Variants in MSTO1 observed in about 807,000 individuals in gnomAD.
MSTO1 encodes the protein misato mitochondrial distribution and morphology regulator 1.
Under a neutral mutation model 55.7 loss-of-function variants are expected in MSTO1, and 24 were observed. The observed-to-expected ratio is 0.43, with a 90% CI of 0.31 to 0.61. The LOEUF is 0.61. Among genes scored for constraint, MSTO1 ranks in the 20% least tolerant of loss-of-function variants. The probability of loss-of-function intolerance (pLI) is 0.09; values close to 1 mark genes in which losing one functional copy is unlikely to be tolerated. For missense variants in MSTO1, 363 were observed against 625.7 expected (o/e 0.58, Z 4.48); for synonymous variants, 162 against 252.8 (o/e 0.64, Z 3.41).
At chr1:155,568,165 C>T in the MSTO1 span, among the ~76,000 whole-genome samples, 33 of 150,928 alleles carry the variant, frequency 2.2e-4, no homozygotes, top group Middle Eastern at 3.4e-3. Context: ...CTGCAACCTC[C>T]GCCTCTTGGG....
the MSTO1 span, chr1:155,586,618 T>A: frequency 2.1e-6 from 1 of 471,324 alleles, no homozygotes. Context: ...TTTTTCCCAT[T>A]TGTGCTTTAC....
At chr1:155,563,767 G>A in the MSTO1 span, 5 of 356,232 alleles carry the variant, frequency 1.4e-5, no homozygotes, top group Non-Finnish European at 2.8e-5. Flanking sequence ...CATGCCTCCA[G>A]GGTTAATGTG....
chr1:155,569,284 C>A, the MSTO1 span, among the ~76,000 whole-genome samples: 4 of 150,836 alleles, frequency 2.7e-5, no homozygotes, highest in African/African-American at 9.8e-5. Context: ...TACAGGCGCC[C>A]GCCACCACGC....
At chr1:155,580,024 C>T in the MSTO1 span, among the ~76,000 whole-genome samples, 4 of 150,174 alleles carry the variant, frequency 2.7e-5, no homozygotes, top group African/African-American at 9.8e-5. Flanking sequence ...TGCAGTGAGC[C>T]GAGATCGGGC....
At chr1:155,612,366 T>C in intron 8 of MSTO1, 50 bp downstream of exon 8, 1 of 1,581,676 alleles carries the variant, frequency 6.3e-7, no homozygotes, top group Non-Finnish European at 8.6e-7. Flanking sequence ...GAGGGAGAAA[T>C]CAGAATCCCA....
At chr1:155,601,552 G>C in the MSTO1 span, among the ~76,000 whole-genome samples, 1 of 152,112 alleles carries the variant, frequency 6.6e-6, no homozygotes, top group East Asian at 1.9e-4. Context: ...CCTGAGCCTA[G>C]AAGTTCAAGG....
chr1:155,580,033 G>C, the MSTO1 span, among the ~76,000 whole-genome samples: 1 of 151,028 alleles, frequency 6.6e-6, no homozygotes, highest in Non-Finnish European at 1.5e-5. Context: ...CCGAGATCGG[G>C]CCACTGCCCT....
the MSTO1 span, among the ~76,000 whole-genome samples, chr1:155,594,505 C>T: frequency 1.3e-5 from 2 of 152,118 alleles, no homozygotes; most frequent in Admixed American, 6.6e-5. Context: ...TAGCATGGTC[C>T]TATGGCTATA....
At chr1:155,576,408 C>T in the MSTO1 span, among the ~76,000 whole-genome samples, 10 of 152,016 alleles carry the variant, frequency 6.6e-5, no homozygotes, top group Non-Finnish European at 1.5e-4. Flanking sequence ...CTCACTGCAA[C>T]TTCCGCCTCC....
At chr1:155,591,188 G>T in the MSTO1 span, 5 of 1,612,656 alleles carry the variant, frequency 3.1e-6, no homozygotes, top group Non-Finnish European at 4.2e-6. Flanking sequence ...TGGGCAGGAC[G>T]CAGGAGACCA....
rs761312666 is a variant in MSTO1, at chr1:155,612,273, G to A, written c.770G>A (p.Gly257Glu). 1.9e-6 allele frequency: 3 copies of A among 1,591,926 alleles called. No homozygotes were observed. Among genetic ancestry groups the A allele is most frequent in the African/African-American group, 2.7e-5 (2 of 74,396 alleles). The change falls in exon 8 of 14, where the codon GGA becomes GAA. Residue 257 changes from glycine to glutamate, a missense_variant. Coordinates refer to ENST00000245564, the MANE Select transcript of MSTO1 (RefSeq NM_018116.4). ...CTACAAGATGAATATTCAGGGCGGG[G>A]AATAATAACCTGGGGCCTGCTACCT... Reference protein sequence around the residue: ...ELLQDEYSGRGIITWGLLPGP... With the variant: ...ELLQDEYSGREIITWGLLPGP...
At chr1:155,565,451 A>C in the MSTO1 span, among the ~76,000 whole-genome samples, 2 of 152,234 alleles carry the variant, frequency 1.3e-5, no homozygotes, top group African/African-American at 2.4e-5. Context: ...TTTGAGGTAG[A>C]TAATCTTACC....
chr1:155,585,039 G>T, the MSTO1 span, among the ~76,000 whole-genome samples: 2 of 152,170 alleles, frequency 1.3e-5, no homozygotes, highest in African/African-American at 4.8e-5. Flanking sequence ...GATATTACAG[G>T]CATGAGCCAC....
the MSTO1 span, chr1:155,602,076 A>G: frequency 1.5e-6 from 1 of 680,580 alleles, no homozygotes; most frequent in Non-Finnish European, 2.8e-6. Context: ...TTTTAAGCTC[A>G]TCTTTGGGTG....
the MSTO1 span, among the ~76,000 whole-genome samples, chr1:155,586,323 G>T: frequency 6.6e-6 from 1 of 151,620 alleles, no homozygotes; most frequent in Non-Finnish European, 1.5e-5. Context: ...GATTACAGGC[G>T]TGAGCCACCA....
At chr1:155,590,372 T>G in the MSTO1 span, among the ~76,000 whole-genome samples, 1 of 152,008 alleles carries the variant, frequency 6.6e-6, no homozygotes, top group Non-Finnish European at 1.5e-5. Context: ...ATCCAGAATC[T>G]CAAAGCATCC....
chr1:155,566,835 G>C, the MSTO1 span, among the ~76,000 whole-genome samples: 1 of 151,810 alleles, frequency 6.6e-6, no homozygotes, highest in African/African-American at 2.4e-5. Flanking sequence ...GGCTGCTCTT[G>C]AACTCCCGAC....
At chr1:155,575,733 T>G in the MSTO1 span, among the ~76,000 whole-genome samples, 1 of 149,994 alleles carries the variant, frequency 6.7e-6, no homozygotes, top group African/African-American at 2.5e-5. Flanking sequence ...TGTGAGCCAC[T>G]GCACCTGGCT....
chr1:155,608,635 G>T (rs1049824974), upstream of MSTO1, among the ~76,000 whole-genome samples: 2 of 151,198 alleles, frequency 1.3e-5, no homozygotes, highest in Non-Finnish European at 2.9e-5. Flanking sequence ...AAGTAGCTGG[G>T]ACTACAGGTC....
Sources: allele counts gnomAD v4.1 joint callset (sites outside exome capture counted in the v4.1 genomes callset), GRCh38; gene constraint gnomAD v4.1.1; transcripts MANE v1.5; gene names NCBI Gene and HGNC (gene_info 2026-07-23, HGNC 2026-07-21).